Variants in MBOAT1 observed in about 807,000 individuals in gnomAD.
MBOAT1 encodes the protein membrane bound glycerophospholipid O-acyltransferase 1.
MBOAT1 carries 67 observed loss-of-function variants against 64.4 expected under a neutral mutation model. The ratio of observed to expected loss-of-function variants is 1.04; its 90% CI spans 0.85 to 1.27. The LOEUF is 1.27. MBOAT1 is among the 50% of genes most tolerant of loss of function. The pLI, the probability that MBOAT1 is intolerant of heterozygous loss-of-function variation, is 0.00. For missense variants in MBOAT1, 563 were observed against 604.6 expected, an observed-to-expected ratio of 0.93 and a Z score of 0.72; for synonymous variants, 229 against 218.9, an observed-to-expected ratio of 1.05 and a Z score of -0.41.
chr6:20,110,338 A>T (rs1760102727), intron 11 of MBOAT1, among the ~76,000 whole-genome samples: 1 of 151,632 alleles, frequency 6.6e-6, no homozygotes, highest in South Asian at 2.1e-4. Flanking sequence ...TCAGCCTCCC[A>T]AGTAGCTGAG....
chr6:20,132,847 A>G (rs1760873037), intron 4 of MBOAT1, among the ~76,000 whole-genome samples: 1 of 152,222 alleles, frequency 6.6e-6, no homozygotes, highest in Non-Finnish European at 1.5e-5. Flanking sequence ...TAGTCTATAT[A>G]AAAACACTCT....
At chr6:20,177,821 T>C (rs1762392913) in intron 1 of MBOAT1, among the ~76,000 whole-genome samples, 1 of 151,484 alleles carries the variant, frequency 6.6e-6, no homozygotes, top group Admixed American at 6.6e-5. Context: ...TTCCAAGGCA[T>C]TATCCTAAAA....
chr6:20,195,005 G>A (rs2113761438), intron 1 of MBOAT1, among the ~76,000 whole-genome samples: 1 of 151,706 alleles, frequency 6.6e-6, no homozygotes, highest in Admixed American at 6.6e-5. Flanking sequence ...ACACTGGAGT[G>A]CAGTGGCTCA....
intron 1 of MBOAT1, among the ~76,000 whole-genome samples, chr6:20,195,856 G>T (rs1762941133): frequency 6.6e-6 from 1 of 152,156 alleles, no homozygotes; most frequent in Non-Finnish European, 1.5e-5. Context: ...TTTCCCTGGG[G>T]TATATACCCA....
At chr6:20,207,906 T>C (rs1763309396) in intron 1 of MBOAT1, among the ~76,000 whole-genome samples, 1 of 152,254 alleles carries the variant, frequency 6.6e-6, no homozygotes, top group South Asian at 2.1e-4. Flanking sequence ...GCCTTTTGTT[T>C]CCTCTAGAGT....
At chr6:20,167,900 C>T (rs925559942) in intron 1 of MBOAT1, among the ~76,000 whole-genome samples, 13 of 152,174 alleles carry the variant, frequency 8.5e-5, no homozygotes, top group Non-Finnish European at 1.5e-4. Context: ...TTCCATCAAA[C>T]TCTTTACCCA....
chr6:20,198,227 CAA>C (rs5874758), intron 1 of MBOAT1, among the ~76,000 whole-genome samples: 228 of 125,568 alleles, frequency 1.8e-3, no homozygotes, highest in Middle Eastern at 4.1e-3. Flanking sequence ...GACTGTGTCT[CAA>C]AAAAAAAAAA....
At position 20,101,224 on chromosome 6, in the gene MBOAT1, C is replaced by T. The variant is rs1048739214; in HGVS notation, c.*1062G>A. 1.3e-5 allele frequency among the ~76,000 whole-genome samples: 2 copies of T among 152,182 alleles called. No homozygotes were observed. Among genetic ancestry groups the T allele is most frequent in the Admixed American group, 6.5e-5 (1 of 15,278 alleles). ...CATTTGGGTGTCTTCTCAAGACCAA[C>T]CCCGGGCAAGCAGGTGGCGCCTGTG... is the stretch of plus-strand genomic sequence containing the variant. On this transcript the variant is annotated 3_prime_UTR_variant, in exon 13 of 13. Coordinates refer to ENST00000324607, the MANE Select transcript of MBOAT1 (RefSeq NM_001080480.3).
intron 1 of MBOAT1, among the ~76,000 whole-genome samples, chr6:20,201,362 G>T (rs1361319718): frequency 6.6e-6 from 1 of 152,080 alleles, no homozygotes; most frequent in African/African-American, 2.4e-5. Flanking sequence ...AAGGGAGGGA[G>T]GGAGGGAACC....
intron 11 of MBOAT1, among the ~76,000 whole-genome samples, chr6:20,110,160 T>G (rs1760093190): frequency 6.6e-6 from 1 of 151,618 alleles, no homozygotes; most frequent in South Asian, 2.1e-4. Flanking sequence ...CTGCCCACCT[T>G]GGCCGCCCAA....
At chr6:20,110,103 G>A (rs571252677) in intron 11 of MBOAT1, among the ~76,000 whole-genome samples, 9 of 151,646 alleles carry the variant, frequency 5.9e-5, no homozygotes, top group African/African-American at 1.9e-4. Context: ...TAGAGCTGGG[G>A]TTTCGCCATG....
At chr6:20,195,139 G>A (rs1762920238) in intron 1 of MBOAT1, among the ~76,000 whole-genome samples, 1 of 152,050 alleles carries the variant, frequency 6.6e-6, no homozygotes, top group Non-Finnish European at 1.5e-5. Context: ...TTTTTGTAGA[G>A]ATGGGGTTTT....
intron 4 of MBOAT1, among the ~76,000 whole-genome samples, chr6:20,136,669 A>C (rs976317203): frequency 2.0e-4 from 31 of 152,200 alleles, no homozygotes; most frequent in African/African-American, 7.5e-4. Flanking sequence ...TATTTCTATT[A>C]CACCCAATTA....
At chr6:20,139,490 G>C (rs1761103158) in intron 4 of MBOAT1, among the ~76,000 whole-genome samples, 2 of 147,700 alleles carry the variant, frequency 1.4e-5, no homozygotes, top group Admixed American at 1.4e-4. Context: ...GGGTGGACAT[G>C]AATCTTGGGA....
chr6:20,167,415 G>A (rs1762044716), intron 1 of MBOAT1, among the ~76,000 whole-genome samples: 1 of 152,166 alleles, frequency 6.6e-6, no homozygotes, highest in East Asian at 1.9e-4. Flanking sequence ...GCCAGCATAG[G>A]GGGCTGTTAA....
chr6:20,163,752 C>T (rs575335377), intron 1 of MBOAT1, among the ~76,000 whole-genome samples: 1 of 152,192 alleles, frequency 6.6e-6, no homozygotes, highest in South Asian at 2.1e-4. Context: ...TGACTCCAGT[C>T]CAGCATGCCT....
chr6:20,145,677 T>C (rs1226349261), intron 3 of MBOAT1, among the ~76,000 whole-genome samples: 1 of 152,202 alleles, frequency 6.6e-6, no homozygotes, highest in African/African-American at 2.4e-5. Flanking sequence ...ATGCTCCATG[T>C]TTACCTTACT....
chr6:20,184,582 G>C (rs917718220), intron 1 of MBOAT1, among the ~76,000 whole-genome samples: 1 of 152,160 alleles, frequency 6.6e-6, no homozygotes, highest in Middle Eastern at 3.4e-3. Context: ...AGCAGTTAGC[G>C]TGTCTCCCCA....
intron 10 of MBOAT1, among the ~76,000 whole-genome samples, chr6:20,114,680 C>T (rs1389648360): frequency 1.3e-5 from 2 of 151,962 alleles, no homozygotes; most frequent in South Asian, 2.1e-4. Context: ...GTCAGGAGTT[C>T]GAGATCAGCC....
Sources: gnomAD v4.1 joint callset for allele counts (sites outside exome capture counted in the v4.1 genomes callset) on GRCh38, gnomAD v4.1.1 for gene constraint, MANE v1.5 for transcripts, NCBI Gene and HGNC (gene_info 2026-07-23, HGNC 2026-07-21) for gene names.